PHKB: variants seen among roughly 807,000 people sequenced by gnomAD.
PHKB encodes the protein phosphorylase b kinase regulatory subunit beta.
In PHKB, 122 loss-of-function variants were observed where a neutral mutation model predicts 152.1. The observed-to-expected ratio is 0.80, with a 90% confidence interval of 0.69 to 0.93. The LOEUF (loss-of-function observed/expected upper bound fraction) is 0.93, where lower values mean the gene tolerates loss of function less well. Ranked by LOEUF, PHKB falls within the 40% of genes least tolerant of loss-of-function variation. The pLI is 0.00. For missense variants in PHKB, 1,304 were observed against 1,328.4 expected (o/e 0.98, Z 0.29); for synonymous variants, 436 against 464.9 (o/e 0.94, Z 0.80).
intron 7 of PHKB, chr16:47,561,417 T>C (rs147644044): frequency 1.3e-5 from 2 of 152,336 alleles, no homozygotes; most frequent in Non-Finnish European, 1.5e-5. Context: ...AGGAAAGTGA[T>C]GTCTTTTCCA....
At chr16:47,496,297 C>T (rs148211725) in intron 1 of PHKB, among the ~76,000 whole-genome samples, 10 of 150,498 alleles carry the variant, frequency 6.6e-5, no homozygotes, top group Admixed American at 4.6e-4. Flanking sequence ...ATCTTTTCAA[C>T]AAAAGATAAT....
At chr16:47,580,479 C>G in intron 8 of PHKB, 121 bp downstream of exon 8, 6 of 665,824 alleles carry the variant, frequency 9.0e-6, no homozygotes, top group Non-Finnish European at 2.6e-6. Context: ...TGTAGAAGCT[C>G]ATGCTTGAAC....
intron 14 of PHKB, among the ~76,000 whole-genome samples, chr16:47,638,020 A>G (rs1972951875): frequency 6.6e-6 from 1 of 151,866 alleles, no homozygotes; most frequent in South Asian, 2.1e-4. Context: ...CTCATGACCT[A>G]ATTACCTCCC....
intron 1 of PHKB, among the ~76,000 whole-genome samples, chr16:47,481,210 A>T (rs1393934593): frequency 6.6e-6 from 1 of 152,188 alleles, no homozygotes; most frequent in Non-Finnish European, 1.5e-5. Flanking sequence ...GTTAGCTCTG[A>T]ATAGTCATGC....
intron 26 of PHKB, among the ~76,000 whole-genome samples, chr16:47,670,951 G>A (rs1025573817): frequency 2.0e-5 from 3 of 151,862 alleles, no homozygotes; most frequent in South Asian, 2.1e-4. Flanking sequence ...CATACTATCA[G>A]CCAGCCTCAA....
chr16:47,572,673 T>A (rs144692774), intron 7 of PHKB, among the ~76,000 whole-genome samples: 239 of 152,292 alleles, frequency 1.6e-3, no homozygotes, highest in African/African-American at 5.5e-3. Flanking sequence ...ATGGTGGCAG[T>A]AGGGGAGTGG....
Position 47,602,931 on chromosome 16 carries a change from G to GTC in PHKB, c.1363+6416_1363+6417dup, listed in dbSNP as rs143245935. The stretch of plus-strand genomic sequence containing the variant: ...AGAGTTATAGGAAATACTTCTCTCT[G>GTC]TCTCTCTCTCTCTCTCTAAGGGCAA... On this transcript the variant is annotated intron_variant, in intron 13 of 30. Coordinates refer to ENST00000323584, the MANE Select transcript of PHKB (RefSeq NM_000293.3). Among the ~76,000 whole-genome samples, 28 of 149,982 alleles carry GTC rather than the reference G, an allele frequency of 1.9e-4. No individual in the cohort carries two copies. The East Asian group carries it at 2.1e-3, about 11-fold the overall frequency.
chr16:47,691,037 T>C (rs1328342799), intron 27 of PHKB, among the ~76,000 whole-genome samples: 2 of 152,072 alleles, frequency 1.3e-5, no homozygotes, highest in Non-Finnish European at 2.9e-5. Context: ...CTGGGCAACA[T>C]TCTGAGACCC....
At chr16:47,497,516 CT>C in intron 2 of PHKB, 28 bp downstream of exon 2, 1 of 1,287,246 alleles carries the variant, frequency 7.8e-7, no homozygotes, top group Non-Finnish European at 1.1e-6. Flanking sequence ...AAAACGTGTC[CT>C]TAGGTATCTG....
At chr16:47,517,297 C>T (rs1421619892) in intron 6 of PHKB, among the ~76,000 whole-genome samples, 1 of 151,312 alleles carries the variant, frequency 6.6e-6, no homozygotes, top group Non-Finnish European at 1.5e-5. Flanking sequence ...CTCTGTCTGC[C>T]CAGGCTGGAG....
At chr16:47,611,657 A>G (rs1972430022) in intron 14 of PHKB, among the ~76,000 whole-genome samples, 1 of 152,104 alleles carries the variant, frequency 6.6e-6, no homozygotes, top group Non-Finnish European at 1.5e-5. Flanking sequence ...AAAAATGTGT[A>G]TTATACACAC....
chr16:47,493,127 G>A (rs1045331508), intron 1 of PHKB, among the ~76,000 whole-genome samples: 2 of 152,130 alleles, frequency 1.3e-5, no homozygotes, highest in African/African-American at 4.8e-5. Context: ...CCACCCCGTT[G>A]CACACTCCTC....
chr16:47,516,116 C>T (rs1970592765), intron 6 of PHKB, among the ~76,000 whole-genome samples: 1 of 151,866 alleles, frequency 6.6e-6, no homozygotes, highest in Non-Finnish European at 1.5e-5. Context: ...TTAGTAGAGA[C>T]GGGGTTTCAC....
Position 47,524,919 on chromosome 16 carries a change from C to G in PHKB, c.594+9318C>G, listed in dbSNP as rs1393874756. On this transcript the variant is annotated intron_variant, in intron 6 of 30. Coordinates refer to ENST00000323584, the MANE Select transcript of PHKB (RefSeq NM_000293.3). ...ATGAAAATTCTACTTGACTCACTTA[C>G]GATTTTTAAAAATCTTTTAAAATTT... Among the ~76,000 whole-genome samples the G allele has an allele frequency of 3.9e-5, 6 of 151,996 alleles. No individual in the cohort carries two copies. The East Asian group carries it at 9.6e-4, about 24-fold the overall frequency.
intron 26 of PHKB, among the ~76,000 whole-genome samples, chr16:47,687,491 A>C (rs1337834971): frequency 6.6e-6 from 1 of 152,182 alleles, no homozygotes; most frequent in Non-Finnish European, 1.5e-5. Context: ...CTGACAGGAG[A>C]AATATAAATG....
chr16:47,517,462 G>A (rs1567288890), intron 6 of PHKB, among the ~76,000 whole-genome samples: 1 of 151,950 alleles, frequency 6.6e-6, no homozygotes, highest in Non-Finnish European at 1.5e-5. Flanking sequence ...TTACCATGTT[G>A]CCCAGGCTGT....
At chr16:47,531,266 A>G (rs1426290638) in intron 6 of PHKB, among the ~76,000 whole-genome samples, 1 of 152,232 alleles carries the variant, frequency 6.6e-6, no homozygotes, top group African/African-American at 2.4e-5. Context: ...AGATATTGGA[A>G]GCCACTTTTT....
At chr16:47,669,479 G>T (rs974442529) in intron 26 of PHKB, 62 bp downstream of exon 26, 7 of 1,454,680 alleles carry the variant, frequency 4.8e-6, no homozygotes, top group Middle Eastern at 3.5e-4. Context: ...TAACAGACCC[G>T]GCCTCTCCAA....
chr16:47,603,693 C>T (rs959587978), intron 13 of PHKB, among the ~76,000 whole-genome samples: 3 of 151,906 alleles, frequency 2.0e-5, no homozygotes, highest in African/African-American at 4.8e-5. Flanking sequence ...TTATTGGAGG[C>T]GGGGTTTCAC....
Sources: gnomAD v4.1 joint callset for allele counts (sites outside exome capture counted in the v4.1 genomes callset) on GRCh38, gnomAD v4.1.1 for gene constraint, MANE v1.5 for transcripts, NCBI Gene and HGNC (gene_info 2026-07-23, HGNC 2026-07-21) for gene names.